PRKAA1: variants seen among roughly 807,000 people sequenced by gnomAD.
The protein encoded by PRKAA1 is protein kinase AMP-activated catalytic subunit alpha 1, also known as 5'-AMP-activated protein kinase catalytic subunit alpha-1.
In PRKAA1, 23 loss-of-function variants were observed where a neutral mutation model predicts 56.9. The observed-to-expected ratio is 0.40, with a 90% confidence interval of 0.29 to 0.57. The LOEUF is 0.57. Ranked by LOEUF, PRKAA1 falls within the 20% of genes least tolerant of loss-of-function variation. The probability of loss-of-function intolerance (pLI) is 0.39; values close to 1 mark genes in which losing one functional copy is unlikely to be tolerated. For synonymous variants in PRKAA1, 226 were observed against 227.0 expected (o/e 1.00, Z 0.04); for missense variants, 413 against 679.7 (o/e 0.61, Z 4.36).
intron 1 of PRKAA1, among the ~76,000 whole-genome samples, chr5:40,794,407 T>C (rs142555102): frequency 1.7e-4 from 26 of 152,346 alleles, no homozygotes; most frequent in African/African-American, 6.0e-4. Context: ...TTCAGATGTA[T>C]TGATTAGGAA....
At chr5:40,773,455 T>C (rs1237522107) in intron 3 of PRKAA1, among the ~76,000 whole-genome samples, 1 of 152,168 alleles carries the variant, frequency 6.6e-6, no homozygotes, top group East Asian at 1.9e-4. Context: ...AAAGTCAAAA[T>C]ACATTTCCAA....
At chr5:40,768,456 A>G (rs748592927) in intron 5 of PRKAA1, 2 of 931,802 alleles carry the variant, frequency 2.1e-6, no homozygotes, top group Non-Finnish European at 2.6e-6. Context: ...GAATTGTTTT[A>G]TTCCTAAAAG....
chr5:40,793,334 T>C (rs937013547), intron 1 of PRKAA1, among the ~76,000 whole-genome samples: 10 of 151,978 alleles, frequency 6.6e-5, no homozygotes, highest in African/African-American at 2.4e-4. Context: ...TAAAGACAAT[T>C]CAAGCATAAT....
chr5:40,790,527 T>TTTC (rs1744674119), intron 1 of PRKAA1, among the ~76,000 whole-genome samples: 1 of 20,118 alleles, frequency 5.0e-5, no homozygotes, highest in Non-Finnish European at 1.3e-4. Flanking sequence ...AACTCTTTCT[T>TTTC]TTTTTTTTTT....
chr5:40,766,023 ATTG>A (rs1205926083), intron 6 of PRKAA1, among the ~76,000 whole-genome samples: 1 of 151,992 alleles, frequency 6.6e-6, no homozygotes, highest in Non-Finnish European at 1.5e-5. Flanking sequence ...TCTCTTCTCT[ATTG>A]TTGGTGTTTT....
rs1743151461 is a variant in PRKAA1 at position 40,760,765 on chromosome 5, C to CATG, written c.*2010_*2012dup. 6.6e-6 allele frequency: 1 copy of CATG among 152,658 alleles called. No individual in the cohort carries two copies. The highest frequency in any genetic ancestry group is 2.4e-5 in the African/African-American group (1 of 41,430). 9.5% of individuals were successfully genotyped at this position (152,658 alleles called of 1,614,324 possible). On this transcript the variant is annotated 3_prime_UTR_variant, in exon 9 of 9. Coordinates refer to ENST00000397128, the MANE Select transcript of PRKAA1 (RefSeq NM_006251.6). ...TAGAGTCACCATTTATGCAAGCTAT[C>CATG]ATGACATTTGAGTTCATTATCATCT...
intron 1 of PRKAA1, among the ~76,000 whole-genome samples, chr5:40,788,070 T>C (rs1176048035): frequency 6.6e-6 from 1 of 152,202 alleles, no homozygotes; most frequent in African/African-American, 2.4e-5. Context: ...AAATAGACTT[T>C]AGGTCCAAAG....
chr5:40,779,219 T>C (rs1164696904), intron 1 of PRKAA1, among the ~76,000 whole-genome samples: 1 of 151,700 alleles, frequency 6.6e-6, no homozygotes, highest in Non-Finnish European at 1.5e-5. Flanking sequence ...TAGGACATAA[T>C]CCCAAAAGAC....
chr5:40,769,095 AAGTAAAT>A (rs1362835407), intron 5 of PRKAA1, among the ~76,000 whole-genome samples: 2 of 152,178 alleles, frequency 1.3e-5, no homozygotes, highest in African/African-American at 4.8e-5. Flanking sequence ...TTTTTCCTCT[AAGTAAAT>A]AGTAATCCTT....
At chr5:40,785,004 T>C (rs1223215775) in intron 1 of PRKAA1, among the ~76,000 whole-genome samples, 10 of 152,190 alleles carry the variant, frequency 6.6e-5, no homozygotes, top group African/African-American at 2.4e-4. Flanking sequence ...TCTTAATGTA[T>C]ATACAGTTTT....
In PRKAA1 at chr5:40,777,164, C is replaced by G. The variant is rs1267007342; in HGVS notation, c.269+281G>C. 10 of 208,868 alleles carry G rather than the reference C, an allele frequency of 4.8e-5. No individual in the cohort carries two copies. The South Asian group carries it at 6.6e-4, about 14-fold the overall frequency. 12.9% of individuals were successfully genotyped at this position (208,868 alleles called of 1,614,324 possible). On this transcript the variant is annotated intron_variant, in intron 2 of 8. Transcript: ENST00000397128. ...AGTAGCTGGTATTACAGGCGCCCACCACCATGCCCAGCTAATTTTTGTATT... is the reference window on the plus strand; with the variant it reads ...AGTAGCTGGTATTACAGGCGCCCACGACCATGCCCAGCTAATTTTTGTATT...
intron 1 of PRKAA1, among the ~76,000 whole-genome samples, chr5:40,788,967 T>C (rs1294240324): frequency 6.6e-6 from 1 of 152,104 alleles, no homozygotes; most frequent in Non-Finnish European, 1.5e-5. Context: ...TCTCAGCACT[T>C]TGGGAGGCCG....
chr5:40,771,893 G>A lies in PRKAA1; in HGVS notation c.364-30C>T, dbSNP rs1473443131. On this transcript the variant is annotated intron_variant, in intron 3 of 8. Transcript: ENST00000397128. ...GAAAAGTTAGAGAGGCTTTTTAAAG[G>A]TGTGTCTTTCAAAGTAAATTGTCCT... 1.9e-6 allele frequency: 3 copies of A among 1,597,480 alleles called. No homozygotes were observed. In the African/African-American group the frequency reaches 4.1e-5, roughly 22 times the overall value.
chr5:40,775,236 G>A (rs116425731), intron 3 of PRKAA1, among the ~76,000 whole-genome samples, 174 bp downstream of exon 3: 22 of 152,286 alleles, frequency 1.4e-4, no homozygotes, highest in African/African-American at 4.8e-4. Flanking sequence ...AGGCTAAGGA[G>A]ATAATCTTTA....
intron 1 of PRKAA1, among the ~76,000 whole-genome samples, chr5:40,779,725 G>T (rs1255751832): frequency 6.6e-6 from 1 of 152,072 alleles, no homozygotes; most frequent in Non-Finnish European, 1.5e-5. Flanking sequence ...AACTGCAATA[G>T]AGTCACCCAA....
chr5:40,764,594 G>A lies in PRKAA1; in HGVS notation c.1355C>T (p.Thr452Ile), dbSNP rs753662810. The A allele has an allele frequency of 1.9e-6, 3 of 1,613,880 alleles. No individual in the cohort carries two copies. Among genetic ancestry groups the A allele is most frequent in the Non-Finnish European group, 2.5e-6 (3 of 1,179,864 alleles). Residue 452 changes from threonine (T) to isoleucine (I), a missense_variant, in exon 8 of 9, where the codon ACA (threonine) becomes ATA (isoleucine). Coordinates refer to ENST00000397128, the MANE Select transcript of PRKAA1 (RefSeq NM_006251.6). The stretch of plus-strand genomic sequence containing the variant: ...TAGACTCATTTTGGAGTAAGTGCTT[G>A]TCACAGGATTCTTCCTTCGTACACG... Reference protein sequence around the residue: ...YLRVRRKNPVTSTYSKMSLQL... With the variant: ...YLRVRRKNPVISTYSKMSLQL...
intron 5 of PRKAA1, 113 bp downstream of exon 5, chr5:40,769,303 G>A: frequency 2.4e-6 from 2 of 832,346 alleles, no homozygotes; most frequent in Non-Finnish European, 3.8e-6. Context: ...TTAAGAATAA[G>A]CCTTATCTTT....
chr5:40,781,425 AAAG>A (rs1183409925), intron 1 of PRKAA1, among the ~76,000 whole-genome samples: 1 of 152,158 alleles, frequency 6.6e-6, no homozygotes, highest in African/African-American at 2.4e-5. Flanking sequence ...GGAATCCAGC[AAAG>A]AAGGGATCCA....
chr5:40,778,869 G>A (rs534793692), intron 1 of PRKAA1, among the ~76,000 whole-genome samples: 31 of 137,562 alleles, frequency 2.3e-4, no homozygotes, highest in South Asian at 4.6e-4. Context: ...TCACTGCAGC[G>A]TTAACCTCCC....
Sources: gnomAD v4.1 joint callset for allele counts (sites outside exome capture counted in the v4.1 genomes callset) on GRCh38, gnomAD v4.1.1 for gene constraint, MANE v1.5 for transcripts, NCBI Gene and HGNC (gene_info 2026-07-23, HGNC 2026-07-21) for gene names.